CFAP20DC: variants seen among roughly 807,000 people sequenced by gnomAD.
The protein encoded by CFAP20DC is protein CFAP20DC.
A neutral mutation model predicts 101.7 loss-of-function variants in CFAP20DC; 84 were observed. That is an observed-to-expected ratio of 0.83 (90% confidence interval 0.69 to 0.99). CFAP20DC has a LOEUF of 0.99. Among genes scored for constraint, CFAP20DC ranks in the 50% least tolerant of loss-of-function variants. CFAP20DC has a pLI of 0.00. For synonymous variants in CFAP20DC, 359 were observed against 351.2 expected (o/e 1.02, Z -0.25); for missense variants, 1,007 against 970.3 (o/e 1.04, Z -0.50).
At chr3:58,805,601 G>A (rs1366085448) in intron 15 of CFAP20DC, among the ~76,000 whole-genome samples, 3 of 152,238 alleles carry the variant, frequency 2.0e-5, no homozygotes, top group Admixed American at 1.3e-4. Context: ...TTTGGATAAT[G>A]AGGTGCATCA....
chr3:58,838,901 T>C (rs1326698544), intron 13 of CFAP20DC, among the ~76,000 whole-genome samples: 1 of 152,220 alleles, frequency 6.6e-6, no homozygotes, highest in African/African-American at 2.4e-5. Context: ...ATATGCCATC[T>C]ACAGGGCAAC....
At chr3:58,944,363 A>G (rs1441978579) in intron 4 of CFAP20DC, among the ~76,000 whole-genome samples, 1 of 152,230 alleles carries the variant, frequency 6.6e-6, no homozygotes, top group Non-Finnish European at 1.5e-5. Context: ...TAACACTTTT[A>G]TTCATTTTCT....
chr3:58,834,989 T>C (rs1446348164), intron 13 of CFAP20DC, among the ~76,000 whole-genome samples: 1 of 152,176 alleles, frequency 6.6e-6, no homozygotes, highest in Non-Finnish European at 1.5e-5. Context: ...GGGTTGTCTT[T>C]GGTACACACT....
At chr3:58,775,505 AT>A (rs1322690877) in intron 15 of CFAP20DC, among the ~76,000 whole-genome samples, 3 of 152,318 alleles carry the variant, frequency 2.0e-5, no homozygotes, top group African/African-American at 7.2e-5. Flanking sequence ...CATTATGAAA[AT>A]ATGTAAATAA....
intron 4 of CFAP20DC, among the ~76,000 whole-genome samples, chr3:58,968,887 T>G (rs1033421644): frequency 6.6e-6 from 1 of 152,174 alleles, no homozygotes; most frequent in African/African-American, 2.4e-5. Flanking sequence ...TTTCTGTATA[T>G]GGTGTAAGGA....
At chr3:58,765,473 A>G (rs2070194932) in intron 15 of CFAP20DC, among the ~76,000 whole-genome samples, 1 of 145,170 alleles carries the variant, frequency 6.9e-6, no homozygotes, top group African/African-American at 2.5e-5. Context: ...ATTCTAGCCA[A>G]AAAAAAAAAA....
chr3:58,809,780 G>C (rs1037243265), intron 14 of CFAP20DC, among the ~76,000 whole-genome samples: 1 of 151,826 alleles, frequency 6.6e-6, no homozygotes, highest in Non-Finnish European at 1.5e-5. Context: ...TTTTTGAAAG[G>C]ATCAACAAAA....
chr3:59,023,290 G>A (rs966921843), intron 4 of CFAP20DC, among the ~76,000 whole-genome samples: 1 of 151,942 alleles, frequency 6.6e-6, no homozygotes, highest in African/African-American at 2.4e-5. Flanking sequence ...ATTCTTCTAG[G>A]TGCTGTACGG....
At chr3:58,958,604 A>G (rs542352098) in intron 4 of CFAP20DC, among the ~76,000 whole-genome samples, 1 of 152,294 alleles carries the variant, frequency 6.6e-6, no homozygotes, top group South Asian at 2.1e-4. Context: ...CATTCTCTTC[A>G]CATCCTCACC....
chr3:58,971,280 A>G lies in CFAP20DC; in HGVS notation c.279-33518T>C, dbSNP rs1301113453. Among the ~76,000 whole-genome samples, 2 of 152,200 alleles carry G rather than the reference A, an allele frequency of 1.3e-5. No homozygotes were observed. Among genetic ancestry groups the G allele is most frequent in the Non-Finnish European group, 2.9e-5 (2 of 68,032 alleles). Reference sequence around the variant, plus strand: ...TTAAGGATTCACAATTATCAACACAAACTATGATTATAAGATATTTCCAAT... The same window carrying G: ...TTAAGGATTCACAATTATCAACACAGACTATGATTATAAGATATTTCCAAT... On this transcript the variant is annotated intron_variant, in intron 4 of 16. Coordinates refer to ENST00000482387, the MANE Select transcript of CFAP20DC (RefSeq NM_001394063.1). This position sits in a 1 kb window ranked among gnomAD's most constrained non-coding sequence, Gnocchi z 4.1.
chr3:59,048,127 T>G (rs1700013133), intron 1 of CFAP20DC, among the ~76,000 whole-genome samples: 1 of 152,212 alleles, frequency 6.6e-6, no homozygotes, highest in Non-Finnish European at 1.5e-5. Flanking sequence ...GCTTTAATTA[T>G]TTAAGAAAGG....
chr3:58,834,329 T>C (rs2076593490), intron 13 of CFAP20DC, among the ~76,000 whole-genome samples: 1 of 152,188 alleles, frequency 6.6e-6, no homozygotes, highest in Admixed American at 6.5e-5. Flanking sequence ...AGAAGTGGGA[T>C]TAAGCGTTCT....
intron 4 of CFAP20DC, among the ~76,000 whole-genome samples, chr3:59,034,065 T>A (rs1560026449): frequency 6.6e-6 from 1 of 151,886 alleles, no homozygotes; most frequent in East Asian, 1.9e-4. Context: ...TAAAGACTTT[T>A]CAACCCGGAA....
chr3:58,763,316 C>G (rs1575581562), intron 15 of CFAP20DC, among the ~76,000 whole-genome samples: 2 of 152,328 alleles, frequency 1.3e-5, no homozygotes, highest in African/African-American at 4.8e-5. Context: ...ACCCTTTCTT[C>G]CAGTTGATCG....
At chr3:58,736,502 AC>A (rs1286865807) in intron 3 of CFAP20DC, among the ~76,000 whole-genome samples, 1 of 152,226 alleles carries the variant, frequency 6.6e-6, no homozygotes, top group Non-Finnish European at 1.5e-5. Flanking sequence ...AGACTGGCAT[AC>A]TATCAGAATA....
At chr3:58,716,514 A>G (rs2067401987), downstream of CFAP20DC, among the ~76,000 whole-genome samples, 1 of 152,120 alleles carries the variant, frequency 6.6e-6, no homozygotes, top group Non-Finnish European at 1.5e-5. Flanking sequence ...CTCAGATCGC[A>G]TGGTAACATG....
At chr3:58,946,533 TTCTTG>T (rs1235452564) in intron 4 of CFAP20DC, among the ~76,000 whole-genome samples, 5 of 152,196 alleles carry the variant, frequency 3.3e-5, no homozygotes, top group African/African-American at 7.2e-5. Context: ...AAGTCCAAGT[TTCTTG>T]TCTTGTTTGT....
At chr3:58,858,091 T>C (rs2078981515) in intron 12 of CFAP20DC, among the ~76,000 whole-genome samples, 1 of 152,216 alleles carries the variant, frequency 6.6e-6, no homozygotes, top group African/African-American at 2.4e-5. Context: ...TGAATATAAT[T>C]TGTCAGAGTA....
intron 13 of CFAP20DC, among the ~76,000 whole-genome samples, chr3:58,842,566 A>C (rs1009328541): frequency 2.0e-5 from 3 of 152,134 alleles, no homozygotes; most frequent in African/African-American, 4.8e-5. Context: ...ATCAAACTGC[A>C]AGGCGGCAGC....
Sources: gnomAD v4.1 joint callset for allele counts (sites outside exome capture counted in the v4.1 genomes callset) on GRCh38, gnomAD v4.1.1 for gene constraint, Gnocchi (gnomAD v3.1) non-coding constraint, MANE v1.5 for transcripts, NCBI Gene and HGNC (gene_info 2026-07-23, HGNC 2026-07-21) for gene names.